Variants in AGBL2 observed in about 807,000 individuals in gnomAD.
AGBL2 encodes AGBL carboxypeptidase 2.
Under a neutral mutation model 103.0 loss-of-function variants are expected in AGBL2, and 87 were observed. The ratio of observed to expected loss-of-function variants is 0.84; its 90% CI spans 0.71 to 1.01. The LOEUF is 1.01. Ranked by LOEUF, AGBL2 falls within the 50% of genes least tolerant of loss-of-function variation. AGBL2 has a pLI of 0.00. For missense variants in AGBL2, 904 were observed against 1,023.5 expected (o/e 0.88, Z 1.59); for synonymous variants, 335 against 356.7 (o/e 0.94, Z 0.69).
chr11:47,696,037 G>GAAAAAAAAAAAAGA (rs71045503), intron 8 of AGBL2, among the ~76,000 whole-genome samples: 3 of 88,906 alleles, frequency 3.4e-5, no homozygotes, highest in Admixed American at 1.6e-4. Flanking sequence ...AAAAAAAAAA[G>GAAAAAAAAAAAAGA]AAAAAAAAAA....
chr11:47,664,290 A>G (rs1353521123), intron 17 of AGBL2, among the ~76,000 whole-genome samples: 1 of 152,028 alleles, frequency 6.6e-6, no homozygotes, highest in Non-Finnish European at 1.5e-5. Flanking sequence ...TATGTCATCT[A>G]GGGTGGAGTG....
At chr11:47,705,022 C>T (rs2153805206) in intron 6 of AGBL2, 1 of 228,962 alleles carries the variant, frequency 4.4e-6, no homozygotes, top group African/African-American at 2.3e-5. Context: ...CAGTGGGTTA[C>T]AATGAATAAG....
At chr11:47,685,828 A>G (rs2097421361) in intron 11 of AGBL2, 65 bp downstream of exon 11, 8 of 1,486,606 alleles carry the variant, frequency 5.4e-6, no homozygotes, top group Non-Finnish European at 6.5e-6. Flanking sequence ...AAAACACTAC[A>G]TATAGGAAGC....
At chr11:47,715,144 G>C (rs1383830071) in intron 1 of AGBL2, 31 bp downstream of exon 1, 1 of 161,792 alleles carries the variant, frequency 6.2e-6, no homozygotes, top group African/African-American at 2.4e-5. Flanking sequence ...TTTCCTAAGG[G>C]TAGGAGCGGG....
chr11:47,706,726 C>T (rs2097521245), intron 4 of AGBL2, among the ~76,000 whole-genome samples: 1 of 151,396 alleles, frequency 6.6e-6, no homozygotes. Context: ...TTGTGGTGCT[C>T]ATATGAAAAG....
At chr11:47,680,852 C>T (rs2097398852) in intron 12 of AGBL2, among the ~76,000 whole-genome samples, 1 of 145,460 alleles carries the variant, frequency 6.9e-6, no homozygotes, top group African/African-American at 2.4e-5. Flanking sequence ...TATTATGCTT[C>T]AGGAGAGTGT....
rs750799658 is a variant in AGBL2 at position 47,660,179 on chromosome 11, G to A, written c.2703C>T (p.Tyr901=). 2.5e-6 allele frequency: 4 copies of A among 1,611,646 alleles called. No homozygotes were observed. The African/African-American group carries it at 5.3e-5, about 22-fold the overall frequency. Reference sequence around the variant, plus strand: ...TGGCACAGCCCAGGCTCACCTACGGGTATGTGTATATGTGCAAGGATGGGT... The same window carrying A: ...TGGCACAGCCCAGGCTCACCTACGGATATGTGTATATGTGCAAGGATGGGT... ...AAYPSLHIYT[Y]P Residue 901 remains tyrosine (Y), a synonymous_variant, in exon 19 of 19, where the codon TAC becomes TAT. Coordinates refer to ENST00000525123, the MANE Select transcript of AGBL2 (RefSeq NM_024783.4).
rs533258627 is a variant in AGBL2, at chr11:47,660,630, T to C, written c.2536-284A>G. ...GTGCAATGGCACAATCTCAGCTCACTGCAACCTCTGCCTTCTGGGCTCAAG... is the reference window on the plus strand; with the variant it reads ...GTGCAATGGCACAATCTCAGCTCACCGCAACCTCTGCCTTCTGGGCTCAAG... On this transcript the variant is annotated intron_variant, in intron 18 of 18. Transcript: ENST00000525123. 1.2e-4 allele frequency among the ~76,000 whole-genome samples: 18 copies of C among 151,634 alleles called. No homozygotes were observed. The South Asian group carries it at 2.9e-3, about 24-fold the overall frequency.
rs147941812 is a variant in AGBL2 at position 47,668,153 on chromosome 11, A to G, written c.2215-457T>C. On this transcript the variant is annotated intron_variant, in intron 15 of 18. Transcript: ENST00000525123. ...GAACCTGGGAGGTGGAGGTTGCAGTAAGCTGAGATCACGCCCCTGAACTCC... is the reference window on the plus strand; with the variant it reads ...GAACCTGGGAGGTGGAGGTTGCAGTGAGCTGAGATCACGCCCCTGAACTCC... Among the ~76,000 whole-genome samples the G allele has an allele frequency of 6.8e-4, 96 of 142,048 alleles. No individual in the cohort carries two copies. The East Asian group carries it at 0.01, about 15-fold the overall frequency. 93.2% of individuals were successfully genotyped at this position (142,048 alleles called of 152,430 possible).
chr11:47,668,985 T>G (rs547491217), intron 14 of AGBL2, 78 bp from the exon 15 acceptor site: 1 of 963,218 alleles, frequency 1.0e-6, no homozygotes, highest in Admixed American at 1.7e-5. Flanking sequence ...CCAGACCAGC[T>G]GTATGGGATT....
intron 10 of AGBL2, 31 bp from the exon 11 acceptor site, chr11:47,686,080 G>A: frequency 6.2e-7 from 1 of 1,607,622 alleles, no homozygotes. Flanking sequence ...GGACTCAGTG[G>A]ACACCCAAAT....
chr11:47,706,018 G>A (rs1472381272), intron 4 of AGBL2, 101 bp from the exon 5 acceptor site: 11 of 902,778 alleles, frequency 1.2e-5, no homozygotes, highest in Middle Eastern at 2.4e-4. Flanking sequence ...GCTCACTCTG[G>A]ACCCCTGCAT....
At chr11:47,665,400 T>C (rs1486290144) in intron 17 of AGBL2, among the ~76,000 whole-genome samples, 1 of 151,998 alleles carries the variant, frequency 6.6e-6, no homozygotes, top group Non-Finnish European at 1.5e-5. Context: ...CTTGCTATGT[T>C]GCCAGAGCTA....
intron 7 of AGBL2, among the ~76,000 whole-genome samples, chr11:47,701,710 C>T (rs999103444): frequency 7.2e-5 from 11 of 152,012 alleles, no homozygotes; most frequent in Admixed American, 5.9e-4. Context: ...CAGTGGCTTA[C>T]ACCTGTAATC....
chr11:47,701,448 C>G (rs1160798807), intron 7 of AGBL2, among the ~76,000 whole-genome samples: 1 of 139,686 alleles, frequency 7.2e-6, no homozygotes, highest in East Asian at 2.1e-4. Context: ...CCAGACTGGG[C>G]GACAGAGCAA....
At chr11:47,681,945 T>C in intron 12 of AGBL2, 24 bp downstream of exon 12, 1 of 1,608,852 alleles carries the variant, frequency 6.2e-7, no homozygotes, top group Non-Finnish European at 8.5e-7. Context: ...TATGCTGGCC[T>C]ATGATATACA....
intron 10 of AGBL2, among the ~76,000 whole-genome samples, chr11:47,689,596 C>T (rs944313573): frequency 5.3e-5 from 8 of 152,084 alleles, no homozygotes; most frequent in African/African-American, 1.9e-4. Context: ...TGAGCCACCA[C>T]GCCTGGCCTA....
chr11:47,667,607 A>T lies in AGBL2; in HGVS notation c.2304T>A (p.Asn768Lys), dbSNP rs1565004256. Reference sequence around the variant, plus strand: ...CTGTTAACTTTAACTTCTGCATCAAATTTTTTTTCTGATACTGCTCATTTC... The same window carrying T: ...CTGTTAACTTTAACTTCTGCATCAATTTTTTTTTCTGATACTGCTCATTTC... ...KQRNEQYQKK[N>K]LMQKLKLTED... The change falls in exon 16 of 19, where the codon AAT becomes AAA. Residue 768 changes from asparagine (N) to lysine (K), a missense_variant. Physicochemically the swap from Asn to Lys is moderately conservative, Grantham distance 94. Coordinates refer to ENST00000525123, the MANE Select transcript of AGBL2 (RefSeq NM_024783.4). 1.4e-5 allele frequency: 23 copies of T among 1,613,408 alleles called. No individual in the cohort carries two copies. Among genetic ancestry groups the T allele is most frequent in the Non-Finnish European group, 1.9e-5 (23 of 1,179,708 alleles).
intron 14 of AGBL2, among the ~76,000 whole-genome samples, chr11:47,669,965 G>A (rs886186828): frequency 6.6e-5 from 10 of 152,336 alleles, no homozygotes; most frequent in African/African-American, 2.4e-4. Flanking sequence ...AACACCTACT[G>A]CATGCCAAGC....
Sources: gnomAD v4.1 joint callset for allele counts (sites outside exome capture counted in the v4.1 genomes callset) on GRCh38, gnomAD v4.1.1 for gene constraint, MANE v1.5 for transcripts, NCBI Gene and HGNC (gene_info 2026-07-23, HGNC 2026-07-21) for gene names.